The following TPRG1 variants were observed in gnomAD, a reference collection of about 807,000 sequenced individuals.
The protein encoded by TPRG1 is tumor protein p63-regulated gene 1 protein.
TPRG1 carries 29 observed loss-of-function variants against 29.3 expected under a neutral mutation model. That is an observed-to-expected ratio of 0.99 (90% CI 0.74 to 1.35). TPRG1 has a LOEUF of 1.35. Among genes scored for constraint, TPRG1 ranks in the 40% most tolerant of loss-of-function variants. The probability of loss-of-function intolerance (pLI) is 0.00; values close to 1 mark genes in which losing one functional copy is unlikely to be tolerated. For missense variants in TPRG1, 327 were observed against 335.0 expected (o/e 0.98, Z 0.19); for synonymous variants, 130 against 116.8 (o/e 1.11, Z -0.73).
In TPRG1 at chr3:189,134,554, T is replaced by C. The variant is rs1723508576; in HGVS notation, c.-291+1857T>C. ...CAGCCTCCCCAAGTAGGTGGGACTA[T>C]ATATAGAGGCATGCCACCACACCTG... is the stretch of plus-strand genomic sequence containing the variant. On this transcript the variant is annotated intron_variant, in intron 3 of 6. Coordinates refer to the TPRG1 transcript ENST00000412373. Among the ~76,000 whole-genome samples the C allele has an allele frequency of 4.6e-5, 7 of 151,608 alleles. No individual in the cohort carries two copies. In the South Asian group the frequency reaches 1.5e-3, roughly 32 times the overall value.
At chr3:189,031,899 TAAG>T (rs1004026638) in intron 4 of TPRG1, among the ~76,000 whole-genome samples, 12 of 152,108 alleles carry the variant, frequency 7.9e-5, no homozygotes, top group African/African-American at 2.4e-4. Context: ...TAAATAATAA[TAAG>T]AAGAAGCTAA....
At chr3:189,012,630 T>A (rs192272706) in intron 3 of TPRG1, among the ~76,000 whole-genome samples, 154 of 152,284 alleles carry the variant, frequency 1.0e-3, no homozygotes, top group Non-Finnish European at 2.4e-4. Flanking sequence ...GGTCCTGGAC[T>A]TTTTTGGTTG....
chr3:189,153,997 C>T (rs1726306592), intron 5 of TPRG1, among the ~76,000 whole-genome samples: 1 of 152,198 alleles, frequency 6.6e-6, no homozygotes, highest in Non-Finnish European at 1.5e-5. Flanking sequence ...AGTGAGTTCC[C>T]ATCATCTCTC....
intron 4 of TPRG1, among the ~76,000 whole-genome samples, chr3:189,074,034 C>T (rs1035763136): frequency 1.3e-5 from 2 of 151,994 alleles, no homozygotes; most frequent in African/African-American, 4.8e-5. Flanking sequence ...GATGAGAAGT[C>T]GGCCATCAAA....
At chr3:189,171,443 G>A (rs1328371134), upstream of TPRG1, among the ~76,000 whole-genome samples, 1 of 152,182 alleles carries the variant, frequency 6.6e-6, no homozygotes, top group Admixed American at 6.5e-5. Flanking sequence ...ATAAGATGTA[G>A]CATTGCCCTC....
chr3:189,113,894 T>G (rs1720859110), intron 1 of TPRG1, among the ~76,000 whole-genome samples: 1 of 150,512 alleles, frequency 6.6e-6, no homozygotes, highest in Non-Finnish European at 1.5e-5. Context: ...ATTGTGCACA[T>G]GTACCCTAAA....
intron 1 of TPRG1, among the ~76,000 whole-genome samples, chr3:189,203,122 C>T (rs1333792450): frequency 6.6e-6 from 1 of 152,112 alleles, no homozygotes; most frequent in East Asian, 1.9e-4. Flanking sequence ...TTATGCCCTA[C>T]ATGCTTCTAT....
chr3:189,098,746 A>T (rs1718861562), upstream of TPRG1, among the ~76,000 whole-genome samples: 10 of 152,276 alleles, frequency 6.6e-5, 1 homozygote, highest in South Asian at 2.1e-3. Flanking sequence ...TCTGATTCTA[A>T]ACTAATTTCC....
chr3:189,078,026 T>C (rs564127252), intron 4 of TPRG1, among the ~76,000 whole-genome samples: 15 of 149,168 alleles, frequency 1.0e-4, no homozygotes, highest in Admixed American at 4.7e-4. Context: ...CTTCCTTCCT[T>C]CCTTCCTTCC....
At chr3:189,027,492 G>A (rs1416943786) in intron 4 of TPRG1, among the ~76,000 whole-genome samples, 1 of 152,140 alleles carries the variant, frequency 6.6e-6, no homozygotes, top group Non-Finnish European at 1.5e-5. Flanking sequence ...ACACCATAAA[G>A]TCTATGTAGA....
intron 3 of TPRG1, among the ~76,000 whole-genome samples, chr3:189,017,445 G>T: frequency 6.6e-6 from 1 of 151,788 alleles, no homozygotes; most frequent in Non-Finnish European, 1.5e-5. Context: ...TGATCTCATT[G>T]TTCAATTCCC....
chr3:189,030,088 A>G (rs994978114), intron 4 of TPRG1, among the ~76,000 whole-genome samples: 1 of 152,102 alleles, frequency 6.6e-6, no homozygotes, highest in Non-Finnish European at 1.5e-5. Flanking sequence ...CTCTTTTTCT[A>G]TGCTCTTTTG....
chr3:189,206,269 T>C (rs1734353502), intron 1 of TPRG1, among the ~76,000 whole-genome samples: 1 of 151,754 alleles, frequency 6.6e-6, no homozygotes, highest in Non-Finnish European at 1.5e-5. Context: ...TGATAAAATA[T>C]ACACTCACAC....
intron 3 of TPRG1, among the ~76,000 whole-genome samples, chr3:189,222,114 C>A (rs914246772): frequency 1.3e-5 from 2 of 152,114 alleles, no homozygotes; most frequent in African/African-American, 2.4e-5. Context: ...GTTCAGGGAC[C>A]TTTTCCTCTC....
intron 4 of TPRG1, among the ~76,000 whole-genome samples, chr3:189,259,559 C>A (rs753542388): frequency 6.7e-6 from 1 of 149,660 alleles, no homozygotes; most frequent in Non-Finnish European, 1.5e-5. Flanking sequence ...ACCCCCACCT[C>A]CTGGGTTCAA....
Position 189,238,787 on chromosome 3 carries a change from T to A in TPRG1, c.357T>A (p.Thr119=), listed in dbSNP as rs200588908. The change falls in exon 4 of 6, where the codon ACT becomes ACA. Residue 119 remains threonine (T), a synonymous_variant. Coordinates refer to ENST00000345063, the MANE Select transcript of TPRG1 (RefSeq NM_198485.4). ...GAATTCTACTGGTCACAGACAAGACTCTCTTGATCTGCAAATACGACTTCA... is the reference window on the plus strand; with the variant it reads ...GAATTCTACTGGTCACAGACAAGACACTCTTGATCTGCAAATACGACTTCA... ...KERILLVTDK[T]LLICKYDFIM... is the part of the protein sequence containing the mutation. 82 of 1,613,640 alleles carry A rather than the reference T, an allele frequency of 5.1e-5. No homozygotes were observed. Among genetic ancestry groups the A allele is most frequent in the Non-Finnish European group, 1.9e-5 (22 of 1,179,738 alleles).
At chr3:189,019,281 C>G (rs909284189) in intron 3 of TPRG1, among the ~76,000 whole-genome samples, 65 of 152,058 alleles carry the variant, frequency 4.3e-4, no homozygotes, top group Middle Eastern at 3.4e-3. Context: ...GAATAGGAGT[C>G]GTGAGAGAGG....
intron 3 of TPRG1, among the ~76,000 whole-genome samples, chr3:189,146,110 T>G (rs1315547535): frequency 4.6e-5 from 7 of 152,210 alleles, no homozygotes; most frequent in African/African-American, 1.4e-4. Flanking sequence ...CATTGATCTG[T>G]GTGGCTTGTG....
chr3:189,241,786 T>G (rs1015057929), intron 4 of TPRG1, among the ~76,000 whole-genome samples: 1 of 152,124 alleles, frequency 6.6e-6, no homozygotes, highest in Non-Finnish European at 1.5e-5. Context: ...GGGGTTCTGC[T>G]TTTGCTTCTT....
Sources: gnomAD v4.1 joint callset for allele counts (sites outside exome capture counted in the v4.1 genomes callset) on GRCh38, gnomAD v4.1.1 for gene constraint, MANE v1.5 for transcripts, NCBI Gene and HGNC (gene_info 2026-07-23, HGNC 2026-07-21) for gene names.